Variants in ADAMTS16 observed in about 807,000 individuals in gnomAD.
The protein encoded by ADAMTS16 is ADAM metallopeptidase with thrombospondin type 1 motif 16.
Under a neutral mutation model 145.8 loss-of-function variants are expected in ADAMTS16, and 94 were observed. The observed-to-expected ratio is 0.64, with a 90% confidence interval of 0.55 to 0.77. The LOEUF is 0.77. Ranked by LOEUF, ADAMTS16 falls within the 30% of genes least tolerant of loss-of-function variation. ADAMTS16 has a pLI of 0.00. For synonymous variants in ADAMTS16, 659 were observed against 604.3 expected (o/e 1.09, Z -1.33); for missense variants, 1,585 against 1,591.5 (o/e 1.00, Z 0.07).
chr5:5,299,755 G>A (rs1455432658), intron 18 of ADAMTS16, among the ~76,000 whole-genome samples: 3 of 152,122 alleles, frequency 2.0e-5, no homozygotes, highest in East Asian at 1.9e-4. Context: ...CCAGAGTCCC[G>A]CAGTGGAAAC....
intron 17 of ADAMTS16, among the ~76,000 whole-genome samples, chr5:5,254,147 C>T (rs761783360): frequency 1.4e-4 from 22 of 152,134 alleles, no homozygotes; most frequent in Admixed American, 1.3e-4. Flanking sequence ...TACATTCAGG[C>T]TTGATTTTTT....
At chr5:5,152,126 G>T (rs1009068438) in intron 3 of ADAMTS16, among the ~76,000 whole-genome samples, 2 of 152,210 alleles carry the variant, frequency 1.3e-5, no homozygotes, top group Non-Finnish European at 2.9e-5. Context: ...ATGCCCTTAG[G>T]CATGAAATTC....
chr5:5,296,849 C>G (rs1055273085), intron 18 of ADAMTS16, among the ~76,000 whole-genome samples: 20 of 152,184 alleles, frequency 1.3e-4, no homozygotes, highest in African/African-American at 4.6e-4. Flanking sequence ...GTTAGGTTGC[C>G]TACCCGTGTG....
intron 9 of ADAMTS16, among the ~76,000 whole-genome samples, chr5:5,204,590 C>T (rs1432066561): frequency 1.3e-5 from 2 of 152,192 alleles, no homozygotes; most frequent in Admixed American, 1.3e-4. Context: ...ATCCTTGTTG[C>T]TGCATCTAAA....
chr5:5,201,967 T>G (rs918570683), intron 9 of ADAMTS16, among the ~76,000 whole-genome samples: 24 of 152,192 alleles, frequency 1.6e-4, no homozygotes, highest in African/African-American at 5.5e-4. Context: ...TAGAGCTCTT[T>G]TTTTCTGTTG....
At chr5:5,242,491 G>T (rs1643495236) in intron 17 of ADAMTS16, among the ~76,000 whole-genome samples, 1 of 152,130 alleles carries the variant, frequency 6.6e-6, no homozygotes, top group Admixed American at 6.6e-5. Context: ...TGAGTCAAAT[G>T]AAAGTCACGG....
chr5:5,215,586 T>C (rs917360431), intron 10 of ADAMTS16, among the ~76,000 whole-genome samples: 1 of 151,814 alleles, frequency 6.6e-6, no homozygotes, highest in African/African-American at 2.4e-5. Flanking sequence ...ACATACAATA[T>C]TTGATTTTCC....
At chr5:5,262,829 C>T (rs184174308) in intron 18 of ADAMTS16, 46 bp downstream of exon 18, 506 of 1,603,944 alleles carry the variant, frequency 3.2e-4, no homozygotes, top group Middle Eastern at 1.5e-3. Context: ...AGTTTGCAGA[C>T]GTGCTCAGCG....
chr5:5,247,655 C>T (rs1214582910), intron 17 of ADAMTS16, among the ~76,000 whole-genome samples: 5 of 152,250 alleles, frequency 3.3e-5, no homozygotes, highest in Non-Finnish European at 7.3e-5. Flanking sequence ...TCTCCACCTT[C>T]GCTGTGCAGG....
intron 18 of ADAMTS16, among the ~76,000 whole-genome samples, chr5:5,273,386 G>C (rs1359603798): frequency 6.6e-6 from 1 of 152,204 alleles, no homozygotes; most frequent in Non-Finnish European, 1.5e-5. Context: ...TAGCTGATGT[G>C]GTGGCACACG....
chr5:5,300,294 A>G (rs909098953), intron 18 of ADAMTS16, among the ~76,000 whole-genome samples: 4 of 152,188 alleles, frequency 2.6e-5, no homozygotes, highest in African/African-American at 9.7e-5. Context: ...AGAGTAACCG[A>G]GAGGCTTTAC....
At chr5:5,159,009 C>T (rs1398698164) in intron 3 of ADAMTS16, among the ~76,000 whole-genome samples, 1 of 152,226 alleles carries the variant, frequency 6.6e-6, no homozygotes, top group African/African-American at 2.4e-5. Flanking sequence ...GAAAGGCTGG[C>T]GCTTCTCGTA....
intron 21 of ADAMTS16, among the ~76,000 whole-genome samples, chr5:5,307,064 G>T (rs571106316): frequency 6.6e-6 from 1 of 152,194 alleles, no homozygotes; most frequent in Admixed American, 6.5e-5. Context: ...GCGAGCCCTG[G>T]GATAAATAGG....
At chr5:5,240,031 T>C (rs962032160) in intron 16 of ADAMTS16, 106 bp downstream of exon 16, 1 of 1,496,830 alleles carries the variant, frequency 6.7e-7, no homozygotes, top group South Asian at 1.3e-5. Context: ...TAAACAGTTA[T>C]AAAAAGAGTG....
rs553546776 is a variant in ADAMTS16 at position 5,200,260 on chromosome 5, A to G, written c.1442A>G (p.Lys481Arg). Reference protein sequence around the residue: ...WSPCSRQYLHKFLSTAQAICL... With the variant: ...WSPCSRQYLHRFLSTAQAICL... ...CCCTGCAGCCGCCAGTATCTACACAAATTTCTAAGGTAGGAACTCTTTAAG... is the reference window on the plus strand; with the variant it reads ...CCCTGCAGCCGCCAGTATCTACACAGATTTCTAAGGTAGGAACTCTTTAAG... Residue 481 changes from lysine to arginine, a missense_variant, in exon 9 of 23, where the codon AAA (lysine) becomes AGA (arginine). By Grantham distance (26) the Lys-to-Arg change is conservative. Around this residue, in one of 3 missense-constraint regions of ADAMTS16, gnomAD observed 298 missense variants for 367.6 expected, o/e 0.81. Transcript: ENST00000274181. 9 of 1,613,964 alleles carry G rather than the reference A, an allele frequency of 5.6e-6. No individual in the cohort carries two copies. In the East Asian group the frequency reaches 6.7e-5, roughly 12 times the overall value.
At chr5:5,141,247 A>T (rs1013391703) in intron 2 of ADAMTS16, among the ~76,000 whole-genome samples, 1 of 152,216 alleles carries the variant, frequency 6.6e-6, no homozygotes. Context: ...TTAGCATCTC[A>T]ATACCAAAGT....
chr5:5,292,060 C>A (rs764686869), intron 18 of ADAMTS16, among the ~76,000 whole-genome samples: 1 of 152,186 alleles, frequency 6.6e-6, no homozygotes, highest in African/African-American at 2.4e-5. Context: ...ATGGCCCTCT[C>A]TAATGGAAAT....
chr5:5,291,461 G>A (rs976622665), intron 18 of ADAMTS16, among the ~76,000 whole-genome samples: 12 of 152,088 alleles, frequency 7.9e-5, no homozygotes, highest in Admixed American at 7.9e-4. Context: ...AGCCCTTCCC[G>A]AGCACTTCCT....
chr5:5,192,523 G>A (rs142906529), intron 8 of ADAMTS16, among the ~76,000 whole-genome samples: 107 of 152,238 alleles, frequency 7.0e-4, no homozygotes, highest in African/African-American at 2.3e-3. Context: ...TTGGAAGAGT[G>A]GGTACTGACA....
Sources: allele counts gnomAD v4.1 joint callset (sites outside exome capture counted in the v4.1 genomes callset), GRCh38; gene constraint gnomAD v4.1.1; regional missense constraint gnomAD v4.1.1; transcripts MANE v1.5; gene names NCBI Gene and HGNC (gene_info 2026-07-23, HGNC 2026-07-21).